Variants in HGF observed in about 807,000 individuals in gnomAD.
HGF encodes the protein hepatocyte growth factor.
Under a neutral mutation model 111.6 loss-of-function variants are expected in HGF, and 39 were observed. That is an observed-to-expected ratio of 0.35 (90% confidence interval 0.27 to 0.46). The LOEUF is 0.46. Among genes scored for constraint, HGF ranks in the 20% least tolerant of loss-of-function variants. HGF has a pLI of 1.00. For synonymous variants in HGF, 285 were observed against 294.8 expected (o/e 0.97, Z 0.34); for missense variants, 735 against 910.5 (o/e 0.81, Z 2.48).
intron 11 of HGF, among the ~76,000 whole-genome samples, chr7:81,712,129 A>T (rs890994520): frequency 2.0e-5 from 3 of 152,064 alleles, no homozygotes; most frequent in Non-Finnish European, 4.4e-5. Context: ...TGGCCATTTG[A>T]ATTACATTGC....
At chr7:81,742,920 C>A in intron 7 of HGF, 1 of 1,613,240 alleles carries the variant, frequency 6.2e-7, no homozygotes, top group South Asian at 1.1e-5. Context: ...AGAAGAAGTT[C>A]ACCATCAGTT....
intron 5 of HGF, chr7:81,751,783 T>G: frequency 8.9e-7 from 1 of 1,121,294 alleles, no homozygotes; most frequent in South Asian, 2.6e-5. Context: ...CTAAGCTTCA[T>G]TCAACTCCTT....
At chr7:81,747,012 TTGCTC>T (rs1788284407) in intron 5 of HGF, among the ~76,000 whole-genome samples, 2 of 152,118 alleles carry the variant, frequency 1.3e-5, no homozygotes, top group South Asian at 2.1e-4. Flanking sequence ...GGACCTCACT[TTGCTC>T]TGCAACTTTC....
At chr7:81,720,690 C>T (rs1779995114) in intron 10 of HGF, 55 bp downstream of exon 10, 1 of 942,836 alleles carries the variant, frequency 1.1e-6, no homozygotes, top group East Asian at 2.4e-5. Flanking sequence ...TATCTAAATA[C>T]ACAGTCTGTT....
At position 81,759,756 on chromosome 7, in the gene HGF, G is replaced by A. The variant is rs146198051; in HGVS notation, c.255-952C>T. ...CCTGACCTCGTGATCTACCCGCCTCGGCCTCCCAAAGTGCTAAGCATTTTT... is the reference window on the plus strand; with the variant it reads ...CCTGACCTCGTGATCTACCCGCCTCAGCCTCCCAAAGTGCTAAGCATTTTT... On this transcript the variant is annotated intron_variant, in intron 2 of 17. Transcript: ENST00000222390. Among the ~76,000 whole-genome samples, 587 of 152,044 alleles carry A rather than the reference G, an allele frequency of 3.9e-3. 6 individuals are homozygous for A. The highest frequency in any genetic ancestry group is 0.013 in the African/African-American group (554 of 41,468).
intron 1 of HGF, among the ~76,000 whole-genome samples, chr7:81,763,888 A>T (rs1789224530): frequency 6.6e-6 from 1 of 152,134 alleles, no homozygotes; most frequent in African/African-American, 2.4e-5. Flanking sequence ...AAATTAATTG[A>T]CCACTTAGAA....
intron 1 of HGF, 130 bp from the exon 2 acceptor site, chr7:81,763,002 G>T: frequency 1.5e-6 from 1 of 646,220 alleles, no homozygotes; most frequent in Admixed American, 2.7e-5. Flanking sequence ...ATTTCCAGGG[G>T]TTAGGAGCAG....
chr7:81,737,394 C>T (rs1275596054), intron 7 of HGF, among the ~76,000 whole-genome samples: 2 of 152,016 alleles, frequency 1.3e-5, no homozygotes, highest in African/African-American at 4.8e-5. Flanking sequence ...CTTAAGGGGA[C>T]CATATCAGTC....
intron 12 of HGF, among the ~76,000 whole-genome samples, chr7:81,710,748 A>G (rs974443725): frequency 1.3e-5 from 2 of 152,182 alleles, no homozygotes; most frequent in African/African-American, 2.4e-5. Context: ...TCCAAATGAT[A>G]TAATTATTAT....
intron 15 of HGF, among the ~76,000 whole-genome samples, 153 bp downstream of exon 15, chr7:81,706,134 C>T (rs1197402820): frequency 2.6e-5 from 4 of 151,806 alleles, no homozygotes; most frequent in Non-Finnish European, 5.9e-5. Context: ...CACAGAGAGA[C>T]CCAAACGCAC....
chr7:81,734,648 T>C (rs1231368623), intron 7 of HGF, among the ~76,000 whole-genome samples: 2 of 152,110 alleles, frequency 1.3e-5, no homozygotes, highest in Non-Finnish European at 2.9e-5. Context: ...AAAATCTGAT[T>C]ACTTCTTTCT....
intron 7 of HGF, among the ~76,000 whole-genome samples, chr7:81,734,253 G>C (rs1787755296): frequency 6.6e-6 from 1 of 152,076 alleles, no homozygotes; most frequent in African/African-American, 2.4e-5. Context: ...TTTTGCCAGG[G>C]GTATCAGCAG....
At chr7:81,751,419 A>T (rs1482046044) in intron 5 of HGF, 7 of 985,368 alleles carry the variant, frequency 7.1e-6, no homozygotes, top group Non-Finnish European at 8.4e-6. Flanking sequence ...TCAGCCATTC[A>T]GTTTTCCACT....
chr7:81,709,897 G>T (rs1789526917), intron 13 of HGF, among the ~76,000 whole-genome samples: 1 of 152,106 alleles, frequency 6.6e-6, no homozygotes, highest in African/African-American at 2.4e-5. Flanking sequence ...GTGTCTCTTA[G>T]AATCAGGGAC....
At chr7:81,730,307 C>T (rs1052663495) in intron 7 of HGF, among the ~76,000 whole-genome samples, 18 of 151,866 alleles carry the variant, frequency 1.2e-4, no homozygotes, top group African/African-American at 4.4e-4. Flanking sequence ...AAAAAATTAG[C>T]CAGGAGTGGT....
At chr7:81,725,437 CCTT>C (rs1325340810) in intron 9 of HGF, among the ~76,000 whole-genome samples, 1 of 152,164 alleles carries the variant, frequency 6.6e-6, no homozygotes, top group Admixed American at 6.5e-5. Flanking sequence ...GCCCTTGGGT[CCTT>C]CTTATATGTT....
At chr7:81,715,543 C>T (rs754603620) in intron 11 of HGF, among the ~76,000 whole-genome samples, 5 of 151,948 alleles carry the variant, frequency 3.3e-5, no homozygotes, top group Non-Finnish European at 7.4e-5. Flanking sequence ...TATTTGCAAA[C>T]ATATAATATA....
At chr7:81,739,397 C>T (rs951826511) in intron 7 of HGF, among the ~76,000 whole-genome samples, 15 of 151,864 alleles carry the variant, frequency 9.9e-5, no homozygotes, top group African/African-American at 3.6e-4. Flanking sequence ...TGTCTTGTGA[C>T]CTAAGGTTTT....
At chr7:81,715,344 T>A (rs1414425444) in intron 11 of HGF, among the ~76,000 whole-genome samples, 1 of 152,002 alleles carries the variant, frequency 6.6e-6, no homozygotes, top group Non-Finnish European at 1.5e-5. Flanking sequence ...AAAATAATAA[T>A]CTTTTAATAA....
Sources: allele counts gnomAD v4.1 joint callset (sites outside exome capture counted in the v4.1 genomes callset), GRCh38; gene constraint gnomAD v4.1.1; transcripts MANE v1.5; gene names NCBI Gene and HGNC (gene_info 2026-07-23, HGNC 2026-07-21).